Variants in PRDM9 observed in about 807,000 individuals in gnomAD.
The protein encoded by PRDM9 is PR/SET domain 9, also known as histone-lysine N-methyltransferase PRDM9.
PRDM9 carries 47 observed loss-of-function variants against 55.6 expected under a neutral mutation model. The observed-to-expected ratio is 0.85, with a 90% CI of 0.67 to 1.08. The LOEUF is 1.08. Among genes scored for constraint, PRDM9 ranks in the 50% least tolerant of loss-of-function variants. The pLI, the probability that PRDM9 is intolerant of heterozygous loss-of-function variation, is 0.00. For missense variants in PRDM9, 867 were observed against 1,040.3 expected, an observed-to-expected ratio of 0.83 and a Z score of 2.29; for synonymous variants, 312 against 375.7, an observed-to-expected ratio of 0.83 and a Z score of 1.96.
chr5:23,513,405 G>A (rs1328607832), intron 4 of PRDM9, among the ~76,000 whole-genome samples: 6 of 152,154 alleles, frequency 3.9e-5, no homozygotes, highest in Non-Finnish European at 8.8e-5. Flanking sequence ...GTTATTGCAG[G>A]AGTGGGTTCC....
intron 4 of PRDM9, among the ~76,000 whole-genome samples, chr5:23,510,990 TAA>T (rs879556929): frequency 7.2e-5 from 10 of 138,110 alleles, no homozygotes; most frequent in Admixed American, 1.4e-4. Flanking sequence ...CACTAAAAAT[TAA>T]AAAAAAAAAA....
At chr5:23,517,729 G>A (rs1739242419) in intron 4 of PRDM9, 152 bp from the exon 5 acceptor site, 1 of 748,464 alleles carries the variant, frequency 1.3e-6, no homozygotes, top group East Asian at 2.8e-5. Flanking sequence ...GGAGGTTGCA[G>A]TGAGTGGAGA....
chr5:23,523,202 G>A (rs1341991514), intron 8 of PRDM9, 89 bp from the exon 9 acceptor site: 8 of 1,449,624 alleles, frequency 5.5e-6, no homozygotes, highest in South Asian at 1.2e-5. Context: ...AGCTATGCAG[G>A]CCCAAAGGCC....
At chr5:23,517,968 C>T in intron 5 of PRDM9, 38 bp downstream of exon 5, 4 of 1,524,372 alleles carry the variant, frequency 2.6e-6, no homozygotes, top group South Asian at 2.2e-5. Context: ...AGAAACCTTC[C>T]TCATGGATCC....
At chr5:23,513,442 C>T (rs1333306355) in intron 4 of PRDM9, among the ~76,000 whole-genome samples, 1 of 152,114 alleles carries the variant, frequency 6.6e-6, no homozygotes, top group African/African-American at 2.4e-5. Flanking sequence ...TTGGGCCCTT[C>T]CCTGTCTTTC....
chr5:23,527,440 C>T lies in PRDM9; in HGVS notation c.2352C>T (p.Gly784=). 3.1e-6 allele frequency: 5 copies of T among 1,598,956 alleles called. No homozygotes were observed. The South Asian group carries it at 4.4e-5, about 14-fold the overall frequency. The change falls in exon 11 of 11, where the codon GGC becomes GGT. Residue 784 remains glycine, a synonymous_variant. Coordinates refer to ENST00000296682, the MANE Select transcript of PRDM9 (RefSeq NM_020227.4). ...ATGTCTGCAGGGAGTGTGGGCGGGGCTTTAGAGATAAGTCAAACCTCCTCA... is the reference window on the plus strand; with the variant it reads ...ATGTCTGCAGGGAGTGTGGGCGGGGTTTTAGAGATAAGTCAAACCTCCTCA... The part of the protein sequence containing the change: ...KPYVCRECGR[G]FRDKSNLLSH...
intron 7 of PRDM9, 80 bp from the exon 8 acceptor site, chr5:23,522,534 A>C (rs1739351673): frequency 6.2e-7 from 1 of 1,602,934 alleles, no homozygotes; most frequent in Non-Finnish European, 8.5e-7. Context: ...AAATAATGTG[A>C]ATGCCAAGCT....
rs1739045113 is a variant in PRDM9, at chr5:23,509,409, G to A, written c.70-61G>A. The A allele has an allele frequency of 2.5e-6, 4 of 1,613,394 alleles. No homozygotes were observed. In the East Asian group the frequency reaches 6.7e-5, roughly 27 times the overall value. ...GGCTATGTCCTACACACAGGGTAGA[G>A]GAAAAGGACCAGCTTGATGTGTACT... On this transcript the variant is annotated intron_variant, in intron 2 of 10. Transcript: ENST00000296682.
intron 4 of PRDM9, among the ~76,000 whole-genome samples, chr5:23,515,753 A>G (rs1739197926): frequency 6.6e-6 from 1 of 152,120 alleles, no homozygotes; most frequent in Non-Finnish European, 1.5e-5. Context: ...TCCCAACACC[A>G]TTTCTTGCAG....
rs749567933 is a variant in PRDM9 at position 23,517,870 on chromosome 5, T to G, written c.302-11T>G. 1.9e-6 allele frequency: 3 copies of G among 1,581,396 alleles called. No homozygotes were observed. The East Asian group carries it at 6.7e-5, about 35-fold the overall frequency. ...TACCAACCAAACCACTGATTTCTCA[T>G]CACCTTTTAGTCAAACCTCCTTGGA... On this transcript the variant is annotated splice_polypyrimidine_tract_variant and intron_variant, in intron 4 of 10. Transcript: ENST00000296682.
In PRDM9 at chr5:23,509,351, C is replaced by CT. The variant is rs201667384; in HGVS notation, c.70-116dup. ...CACAGTCTGGAGAAGGAGGGAAGATCTTTATGTTTCACAGAGACTCCCAGA... is the reference window on the plus strand; with the variant it reads ...CACAGTCTGGAGAAGGAGGGAAGATCTTTTATGTTTCACAGAGACTCCCAGA... On this transcript the variant is annotated intron_variant, in intron 2 of 10. Coordinates refer to ENST00000296682, the MANE Select transcript of PRDM9 (RefSeq NM_020227.4). 14,726 of 1,547,360 alleles carry CT rather than the reference C, an allele frequency of 9.5e-3. 88 individuals carry two copies. The highest frequency in any genetic ancestry group is 0.013 in the Middle Eastern group (76 of 5,906).
chr5:23,515,198 C>T (rs1561018139), intron 4 of PRDM9, among the ~76,000 whole-genome samples: 1 of 151,694 alleles, frequency 6.6e-6, no homozygotes, highest in African/African-American at 2.4e-5. Flanking sequence ...CTCCTGACCT[C>T]AAGTGATCCA....
Position 23,526,434 on chromosome 5 carries a change from A to G in PRDM9, c.1346A>G (p.Asp449Gly). Residue 449 changes from aspartate (D) to glycine (G), a missense_variant, in exon 11 of 11, where the codon GAC becomes GGC. Physicochemically the swap from Asp to Gly is moderately conservative, Grantham distance 94 (BLOSUM62 -1). Transcript: ENST00000296682. ...TATCCAGATCCACACAGCCGTAATG[A>G]CAAAACCAAAGGTCAAGAGATCAAA... is the stretch of plus-strand genomic sequence containing the variant. ...QQYPDPHSRN[D>G]KTKGQEIKER... 3 of 1,614,234 alleles carry G rather than the reference A, an allele frequency of 1.9e-6. No individual in the cohort carries two copies. The highest frequency in any genetic ancestry group is 2.5e-6 in the Non-Finnish European group (3 of 1,180,046).
chr5:23,511,274 A>G (rs1175165094), intron 4 of PRDM9, among the ~76,000 whole-genome samples: 2 of 152,220 alleles, frequency 1.3e-5, no homozygotes, highest in African/African-American at 2.4e-5. Context: ...TTCAACAAAC[A>G]AGCAAAATGC....
rs745625413 is a variant in PRDM9 at position 23,522,288 on chromosome 5, C to T, written c.509-16C>T. The T allele has an allele frequency of 7.5e-6, 12 of 1,596,002 alleles. No homozygotes were observed. The African/African-American group carries it at 8.1e-5, about 11-fold the overall frequency. On this transcript the variant is annotated splice_polypyrimidine_tract_variant and intron_variant, in intron 6 of 10. Transcript: ENST00000296682. ...CCAGATTCCCAATTTTACCCGTCTA[C>T]TCTTCTCCAACCTAGAACTCAGGAA...
chr5:23,507,378 C>T (rs971656003), upstream of PRDM9: 17 of 152,312 alleles, frequency 1.1e-4, no homozygotes, highest in African/African-American at 4.1e-4. Context: ...TACACGCAAT[C>T]CCCTCTGGGA....
intron 4 of PRDM9, among the ~76,000 whole-genome samples, chr5:23,510,232 A>AT (rs1272286552): frequency 6.6e-6 from 1 of 151,062 alleles, no homozygotes; most frequent in East Asian, 2.0e-4. Flanking sequence ...TTTTTTGTAA[A>AT]TTTTTTTTAG....
At chr5:23,514,457 T>A (rs1331804446) in intron 4 of PRDM9, among the ~76,000 whole-genome samples, 1 of 147,190 alleles carries the variant, frequency 6.8e-6, no homozygotes, top group African/African-American at 2.5e-5. Context: ...TACTAGAAGA[T>A]TTTTTTTTTT....
At chr5:23,525,635 T>A (rs1739415526) in intron 10 of PRDM9, among the ~76,000 whole-genome samples, 1 of 152,108 alleles carries the variant, frequency 6.6e-6, no homozygotes. Flanking sequence ...CACATAACAG[T>A]CCTCAATTAA....
Sources: allele counts gnomAD v4.1 joint callset (sites outside exome capture counted in the v4.1 genomes callset), GRCh38; gene constraint gnomAD v4.1.1; transcripts MANE v1.5; gene names NCBI Gene and HGNC (gene_info 2026-07-23, HGNC 2026-07-21).